The following ERBB4 variants were observed in gnomAD, a reference collection of about 807,000 sequenced individuals.
ERBB4 encodes the protein erb-b2 receptor tyrosine kinase 4.
A neutral mutation model predicts 158.0 loss-of-function variants in ERBB4; 42 were observed. That is an observed-to-expected ratio of 0.27 (90% CI 0.21 to 0.34). The LOEUF (loss-of-function observed/expected upper bound fraction) is 0.34. Among genes scored for constraint, ERBB4 ranks in the 10% least tolerant of loss-of-function variants. The pLI, the probability that ERBB4 is intolerant of heterozygous loss-of-function variation, is 1.00. For synonymous variants in ERBB4, 583 were observed against 558.7 expected (o/e 1.04, Z -0.61); for missense variants, 1,333 against 1,624.1 (o/e 0.82, Z 3.08).
In ERBB4 at chr2:211,940,360, A is replaced by G. The variant is rs1170555168; in HGVS notation, c.421+7070T>C. 2.0e-5 allele frequency among the ~76,000 whole-genome samples: 3 copies of G among 152,280 alleles called. No homozygotes were observed. The East Asian group carries it at 5.8e-4, about 29-fold the overall frequency. Reference sequence around the variant, plus strand: ...TTCCTCTTTTTCTAAACACCAAAGCAAACAAGCATGCTTCCTCAATAGATG... The same window carrying G: ...TTCCTCTTTTTCTAAACACCAAAGCGAACAAGCATGCTTCCTCAATAGATG... On this transcript the variant is annotated intron_variant, in intron 3 of 27. Coordinates refer to ENST00000342788, the MANE Select transcript of ERBB4 (RefSeq NM_005235.3).
intron 1 of ERBB4, among the ~76,000 whole-genome samples, chr2:212,192,299 T>C (rs2082298231): frequency 8.4e-6 from 1 of 119,638 alleles, no homozygotes; most frequent in Admixed American, 1.1e-4. Flanking sequence ...TTATGTGAGG[T>C]ACTATTCAAA....
chr2:212,068,836 T>C (rs1415969828), intron 2 of ERBB4, among the ~76,000 whole-genome samples: 1 of 152,076 alleles, frequency 6.6e-6, no homozygotes, highest in Admixed American at 6.6e-5. Context: ...TTTGTTGTAA[T>C]TTTGTGTTTT....
chr2:211,487,797 G>A (rs1370044061), intron 20 of ERBB4, among the ~76,000 whole-genome samples: 1 of 152,030 alleles, frequency 6.6e-6, no homozygotes, highest in African/African-American at 2.4e-5. Flanking sequence ...GGGCTGCGGG[G>A]GTTATGGAAA....
intron 25 of ERBB4, among the ~76,000 whole-genome samples, chr2:211,399,002 G>T (rs1474783203): frequency 1.3e-5 from 2 of 152,108 alleles, no homozygotes; most frequent in African/African-American, 4.8e-5. Flanking sequence ...TCTCAGATTT[G>T]CTTGATGAGC....
intron 20 of ERBB4, among the ~76,000 whole-genome samples, chr2:211,468,901 A>G (rs1028831171): frequency 7.1e-6 from 1 of 140,254 alleles, no homozygotes; most frequent in African/African-American, 2.7e-5. Context: ...ATATATATGT[A>G]TATTTTCTTC....
intron 7 of ERBB4, among the ~76,000 whole-genome samples, chr2:211,719,878 A>G (rs2106113672): frequency 6.6e-6 from 1 of 152,144 alleles, no homozygotes; most frequent in African/African-American, 2.4e-5. Flanking sequence ...GAAAAAAAAA[A>G]AAAAAAAGGA....
intron 25 of ERBB4, among the ~76,000 whole-genome samples, chr2:211,388,822 A>G (rs947020903): frequency 1.3e-5 from 2 of 152,206 alleles, no homozygotes; most frequent in African/African-American, 4.8e-5. Flanking sequence ...AAGGAGTTGT[A>G]TAATACTAAT....
At chr2:211,953,151 T>C (rs1301882768) in intron 2 of ERBB4, among the ~76,000 whole-genome samples, 1 of 152,010 alleles carries the variant, frequency 6.6e-6, no homozygotes, top group Admixed American at 6.6e-5. Context: ...AAAATAATTT[T>C]ATGAACTTGC....
chr2:212,372,002 T>C (rs1464077595), intron 1 of ERBB4, among the ~76,000 whole-genome samples: 2 of 152,156 alleles, frequency 1.3e-5, no homozygotes, highest in Admixed American at 6.6e-5. Context: ...TGTGTAAAAA[T>C]ATGTTACTTT....
At chr2:211,583,464 G>A (rs2068163560) in intron 19 of ERBB4, among the ~76,000 whole-genome samples, 1 of 151,680 alleles carries the variant, frequency 6.6e-6, no homozygotes, top group Non-Finnish European at 1.5e-5. Flanking sequence ...TCATGAGTAA[G>A]TTATTTATAT....
chr2:212,471,684 C>A (rs1574982414), intron 1 of ERBB4, among the ~76,000 whole-genome samples: 1 of 151,834 alleles, frequency 6.6e-6, no homozygotes, highest in Non-Finnish European at 1.5e-5. Context: ...CCTTTTTGCA[C>A]TTATTGCTGT....
At chr2:211,805,269 G>A (rs1327344777) in intron 3 of ERBB4, among the ~76,000 whole-genome samples, 3 of 149,182 alleles carry the variant, frequency 2.0e-5, no homozygotes, top group Non-Finnish European at 4.5e-5. Flanking sequence ...CCATAGGCTG[G>A]AAGTTGGTCT....
At chr2:212,024,377 C>T (rs1015291955) in intron 2 of ERBB4, among the ~76,000 whole-genome samples, 1 of 151,768 alleles carries the variant, frequency 6.6e-6, no homozygotes, top group African/African-American at 2.4e-5. Flanking sequence ...TTATCAGAAG[C>T]AATAATGTTT....
At chr2:211,418,516 C>T (rs1047185313) in intron 25 of ERBB4, among the ~76,000 whole-genome samples, 15 of 152,000 alleles carry the variant, frequency 9.9e-5, no homozygotes, top group African/African-American at 3.6e-4. Context: ...AATAAGTCCA[C>T]GGGTGATTTA....
rs112823181 is a variant in ERBB4 at position 212,494,768 on chromosome 2, A to G, written c.82+43681T>C. Reference sequence around the variant, plus strand: ...TCTAGTTTTAGTTTATAATAGCAATAATGACTTCAATGCTGGGCATTTTCT... The same window carrying G: ...TCTAGTTTTAGTTTATAATAGCAATGATGACTTCAATGCTGGGCATTTTCT... On this transcript the variant is annotated intron_variant, in intron 1 of 27. Transcript: ENST00000342788. Among the ~76,000 whole-genome samples, 227 of 152,218 alleles carry G rather than the reference A, an allele frequency of 1.5e-3. 2 individuals are homozygous for G. Among genetic ancestry groups the G allele is most frequent in the Middle Eastern group, 6.8e-3 (2 of 294 alleles).
In ERBB4 at chr2:211,411,061, G is replaced by A. The variant is rs753596040; in HGVS notation, c.3135+9380C>T. ...GTAGCTGGGATTATAGGCATGCGCC[G>A]CTACACCCAGGTAATTTTTGTACTT... On this transcript the variant is annotated intron_variant, in intron 25 of 27. Transcript: ENST00000342788. Among the ~76,000 whole-genome samples the A allele has an allele frequency of 4.1e-4, 62 of 152,092 alleles. 1 individual carries two copies. In the Middle Eastern group the frequency reaches 0.027, roughly 67 times the overall value.
intron 3 of ERBB4, among the ~76,000 whole-genome samples, chr2:211,885,339 C>A (rs2078770608): frequency 6.6e-6 from 1 of 152,004 alleles, no homozygotes; most frequent in South Asian, 2.1e-4. Context: ...CCCAGAAAAG[C>A]TGGATCTATA....
chr2:211,801,075 C>A (rs576718205), intron 3 of ERBB4, among the ~76,000 whole-genome samples: 1 of 152,026 alleles, frequency 6.6e-6, no homozygotes, highest in Non-Finnish European at 1.5e-5. Flanking sequence ...TTCTTCTAAC[C>A]GAATTCCATT....
chr2:211,645,186 T>C (rs2070742723), intron 16 of ERBB4, among the ~76,000 whole-genome samples: 1 of 151,828 alleles, frequency 6.6e-6, no homozygotes, highest in South Asian at 2.1e-4. Context: ...CAATGGGTAC[T>C]TTCTCATAAA....
Sources: allele counts gnomAD v4.1 joint callset (sites outside exome capture counted in the v4.1 genomes callset), GRCh38; gene constraint gnomAD v4.1.1; transcripts MANE v1.5; gene names NCBI Gene and HGNC (gene_info 2026-07-23, HGNC 2026-07-21).